Variants in ZNF827 observed in about 807,000 individuals in gnomAD.
ZNF827 encodes zinc finger protein 827.
In ZNF827, 13 loss-of-function variants were observed where a neutral mutation model predicts 102.4. That is an observed-to-expected ratio of 0.13 (90% CI 0.08 to 0.20). The LOEUF is 0.20. Among genes scored for constraint, ZNF827 ranks in the 10% least tolerant of loss-of-function variants. ZNF827 has a pLI of 1.00. For missense variants in ZNF827, 1,103 were observed against 1,344.4 expected (o/e 0.82, Z 2.81); for synonymous variants, 523 against 536.2 (o/e 0.98, Z 0.34).
intron 1 of ZNF827, among the ~76,000 whole-genome samples, chr4:145,935,842 C>T (rs1004145108): frequency 3.9e-5 from 6 of 152,126 alleles, no homozygotes; most frequent in African/African-American, 1.4e-4. Context: ...AGGTCAGGGT[C>T]AAGGTCATCA....
At chr4:145,909,968 G>C (rs1406600981) in intron 1 of ZNF827, among the ~76,000 whole-genome samples, 1 of 152,124 alleles carries the variant, frequency 6.6e-6, no homozygotes, top group African/African-American at 2.4e-5. Flanking sequence ...GGATGTCCAG[G>C]ACACCCAACC....
chr4:145,925,628 C>T (rs1388440973), intron 1 of ZNF827, among the ~76,000 whole-genome samples: 1 of 152,176 alleles, frequency 6.6e-6, no homozygotes, highest in African/African-American at 2.4e-5. Context: ...ATCAAATTGT[C>T]ACTGCTCTAA....
At chr4:145,814,019 C>T (rs951818064) in intron 8 of ZNF827, among the ~76,000 whole-genome samples, 4 of 152,118 alleles carry the variant, frequency 2.6e-5, no homozygotes, top group African/African-American at 7.2e-5. Flanking sequence ...TCATGTCCCT[C>T]CCCAGTTACA....
In ZNF827 at chr4:145,803,547, T is replaced by C. The variant is rs1004372328; in HGVS notation, c.2383+19875A>G. 3.3e-5 allele frequency among the ~76,000 whole-genome samples: 5 copies of C among 152,342 alleles called. No homozygotes were observed. The Middle Eastern group carries it at 0.01, about 311-fold the overall frequency. On this transcript the variant is annotated intron_variant, in intron 8 of 14. Coordinates refer to ENST00000508784, the MANE Select transcript of ZNF827 (RefSeq NM_001306215.2). ...AAAAGGATTTAGAAACTGTCATGGATATAGTCTGAGAGGCACAGAGCTAAT... is the reference window on the plus strand; with the variant it reads ...AAAAGGATTTAGAAACTGTCATGGACATAGTCTGAGAGGCACAGAGCTAAT...
chr4:145,894,394 G>A (rs765693686), intron 2 of ZNF827, among the ~76,000 whole-genome samples: 1 of 152,084 alleles, frequency 6.6e-6, no homozygotes, highest in Non-Finnish European at 1.5e-5. Flanking sequence ...ATATCCTTCT[G>A]TACTATTTGA....
intron 3 of ZNF827, among the ~76,000 whole-genome samples, chr4:145,887,661 A>G (rs1220988399): frequency 1.3e-5 from 2 of 152,310 alleles, no homozygotes; most frequent in Non-Finnish European, 1.5e-5. Flanking sequence ...CCAGCTGTTA[A>G]CATCACCCCT....
At chr4:145,845,711 A>G (rs1327619778) in intron 7 of ZNF827, among the ~76,000 whole-genome samples, 1 of 152,218 alleles carries the variant, frequency 6.6e-6, no homozygotes, top group African/African-American at 2.4e-5. Flanking sequence ...ATACAAAACA[A>G]TAACATATGG....
intron 11 of ZNF827, among the ~76,000 whole-genome samples, chr4:145,766,028 C>T (rs139036580): frequency 3.3e-5 from 5 of 152,312 alleles, no homozygotes; most frequent in African/African-American, 1.2e-4. Context: ...CATGTTACCA[C>T]GTTCCAGGAA....
intron 7 of ZNF827, among the ~76,000 whole-genome samples, chr4:145,844,179 A>G (rs1745687803): frequency 6.6e-6 from 1 of 152,098 alleles, no homozygotes; most frequent in South Asian, 2.1e-4. Context: ...GGCAGGATGG[A>G]TTCCATGGGA....
chr4:145,818,492 C>T (rs1487045047), intron 8 of ZNF827, among the ~76,000 whole-genome samples: 1 of 152,180 alleles, frequency 6.6e-6, no homozygotes, highest in Non-Finnish European at 1.5e-5. Flanking sequence ...TTTCTCTGTA[C>T]AAAATGAATT....
chr4:145,794,100 C>T (rs550183928), intron 8 of ZNF827, among the ~76,000 whole-genome samples: 8 of 152,306 alleles, frequency 5.3e-5, no homozygotes, highest in South Asian at 2.1e-4. Flanking sequence ...TGTACTAGAG[C>T]GGAGAACAGA....
intron 8 of ZNF827, among the ~76,000 whole-genome samples, chr4:145,788,036 C>T (rs1023701487): frequency 2.6e-5 from 4 of 152,174 alleles, no homozygotes. Flanking sequence ...GGTAACCTGC[C>T]TAGTGACTCT....
At chr4:145,795,699 T>C (rs1364022292) in intron 8 of ZNF827, among the ~76,000 whole-genome samples, 1 of 152,210 alleles carries the variant, frequency 6.6e-6, no homozygotes, top group African/African-American at 2.4e-5. Flanking sequence ...CGTTTTGCCC[T>C]AAACAAGAGA....
chr4:145,815,699 A>G (rs1011618176), intron 8 of ZNF827, among the ~76,000 whole-genome samples: 2 of 152,256 alleles, frequency 1.3e-5, no homozygotes, highest in African/African-American at 4.8e-5. Context: ...CATATTGTAT[A>G]TACAGAAAAG....
intron 7 of ZNF827, among the ~76,000 whole-genome samples, chr4:145,827,731 T>C (rs1030902757): frequency 3.3e-5 from 5 of 152,216 alleles, no homozygotes; most frequent in African/African-American, 1.2e-4. Flanking sequence ...ACTTGCAGCA[T>C]GCCCTATAGA....
At chr4:145,782,776 G>A (rs763890682) in intron 8 of ZNF827, among the ~76,000 whole-genome samples, 3 of 152,146 alleles carry the variant, frequency 2.0e-5, no homozygotes, top group African/African-American at 4.8e-5. Flanking sequence ...CCCACCACCC[G>A]AATGCTTGGC....
chr4:145,856,656 C>T (rs1475861113), intron 5 of ZNF827, among the ~76,000 whole-genome samples: 1 of 149,880 alleles, frequency 6.7e-6, no homozygotes, highest in Non-Finnish European at 1.5e-5. Flanking sequence ...CAACAGAAAA[C>T]CATACAATGA....
chr4:145,922,259 G>A lies in ZNF827; in HGVS notation c.43+16106C>T, dbSNP rs537790700. 1.2e-4 allele frequency among the ~76,000 whole-genome samples: 19 copies of A among 152,316 alleles called. No homozygotes were observed. In the East Asian group the frequency reaches 2.7e-3, roughly 22 times the overall value. ...AGTAGTGGTTCTCAAAGTGTGGTGT[G>A]TGGACCCCTATGTGTCTCTGAGACC... On this transcript the variant is annotated intron_variant, in intron 1 of 14. Transcript: ENST00000508784.
chr4:145,766,365 A>C (rs957691071), intron 11 of ZNF827, among the ~76,000 whole-genome samples: 2 of 152,234 alleles, frequency 1.3e-5, no homozygotes, highest in Non-Finnish European at 2.9e-5. Context: ...AACTGAAAAA[A>C]ATCAGACAAA....
Sources: gnomAD v4.1 joint callset for allele counts (sites outside exome capture counted in the v4.1 genomes callset) on GRCh38, gnomAD v4.1.1 for gene constraint, MANE v1.5 for transcripts, NCBI Gene and HGNC (gene_info 2026-07-23, HGNC 2026-07-21) for gene names.